CDH13: variants seen among roughly 807,000 people sequenced by gnomAD.
CDH13 encodes cadherin-13.
Under a neutral mutation model 63.8 loss-of-function variants are expected in CDH13, and 24 were observed. The ratio of observed to expected loss-of-function variants is 0.38; its 90% confidence interval spans 0.27 to 0.53. The LOEUF (loss-of-function observed/expected upper bound fraction) is 0.53, where lower values mean the gene tolerates loss of function less well. Among genes scored for constraint, CDH13 ranks in the 20% least tolerant of loss-of-function variants. CDH13 has a pLI of 0.85. For missense variants in CDH13, 1,049 were observed against 903.1 expected (o/e 1.16, Z -2.07); for synonymous variants, 503 against 355.3 (o/e 1.42, Z -4.67).
At chr16:83,469,521 A>C (rs565196259) in intron 6 of CDH13, among the ~76,000 whole-genome samples, 10 of 152,286 alleles carry the variant, frequency 6.6e-5, no homozygotes, top group Admixed American at 3.9e-4. Flanking sequence ...GTCACCTTAC[A>C]TCCACGGTGA....
At chr16:82,736,538 C>A (rs570535667) in intron 1 of CDH13, among the ~76,000 whole-genome samples, 1 of 152,116 alleles carries the variant, frequency 6.6e-6, no homozygotes, top group South Asian at 2.1e-4. Context: ...AGCCATGGGG[C>A]AGCATCCCAT....
At chr16:82,808,224 C>T (rs74894737) in intron 1 of CDH13, among the ~76,000 whole-genome samples, 1,847 of 152,210 alleles carry the variant, frequency 0.012, 28 homozygotes, top group African/African-American at 0.042. Flanking sequence ...TTTTTTAGAA[C>T]TGCTAAATCA....
intron 13 of CDH13, among the ~76,000 whole-genome samples, chr16:83,792,152 C>G (rs1916315933): frequency 6.6e-6 from 1 of 152,164 alleles, no homozygotes; most frequent in Non-Finnish European, 1.5e-5. Context: ...GCATTAAACC[C>G]AGGTAGAGTG....
Position 83,331,022 on chromosome 16 carries a change from T to A in CDH13, c.637-13840T>A, listed in dbSNP as rs74249514. ...AGTGTTTTGCTAAATGCTTTACAAA[T>A]ATTTATTTTCTGTGAGATGGTTCCT... is the stretch of plus-strand genomic sequence containing the variant. On this transcript the variant is annotated intron_variant, in intron 5 of 13. Coordinates refer to ENST00000567109, the MANE Select transcript of CDH13 (RefSeq NM_001257.5). Among the ~76,000 whole-genome samples the A allele has an allele frequency of 1.0e-3, 153 of 152,350 alleles. 2 individuals carry two copies. The East Asian group carries it at 0.027, about 27-fold the overall frequency.
At chr16:82,763,910 C>T (rs940212789) in intron 1 of CDH13, among the ~76,000 whole-genome samples, 1 of 152,148 alleles carries the variant, frequency 6.6e-6, no homozygotes, top group Admixed American at 6.5e-5. Flanking sequence ...TGGGCTCAAG[C>T]AATCCATCTT....
intron 7 of CDH13, among the ~76,000 whole-genome samples, chr16:83,572,080 G>A (rs562733028): frequency 1.3e-5 from 2 of 152,244 alleles, no homozygotes; most frequent in South Asian, 4.1e-4. Context: ...CACAAAGGCT[G>A]ACATGTGTTA....
chr16:82,930,390 G>C (rs755173913), intron 2 of CDH13, among the ~76,000 whole-genome samples: 9 of 152,068 alleles, frequency 5.9e-5, no homozygotes, highest in African/African-American at 2.2e-4. Flanking sequence ...AGATGCACCA[G>C]GTACTTTTCT....
chr16:82,728,332 A>G (rs2033211387), intron 1 of CDH13, among the ~76,000 whole-genome samples: 2 of 152,194 alleles, frequency 1.3e-5, no homozygotes, highest in African/African-American at 4.8e-5. Flanking sequence ...GGCTTGTTCT[A>G]TCCATCCACT....
At chr16:83,647,691 C>T (rs971524801) in intron 8 of CDH13, among the ~76,000 whole-genome samples, 6 of 152,180 alleles carry the variant, frequency 3.9e-5, no homozygotes, top group Non-Finnish European at 7.3e-5. Context: ...TATGATTCCC[C>T]TCAAATGGCC....
chr16:82,685,148 G>C (rs1385832730), intron 1 of CDH13, among the ~76,000 whole-genome samples: 1 of 152,172 alleles, frequency 6.6e-6, no homozygotes, highest in Non-Finnish European at 1.5e-5. Flanking sequence ...TTTGTTGAGA[G>C]ATGATCTTAA....
At chr16:82,658,959 A>C (rs1244463197) in intron 1 of CDH13, among the ~76,000 whole-genome samples, 1 of 152,194 alleles carries the variant, frequency 6.6e-6, no homozygotes, top group Non-Finnish European at 1.5e-5. Flanking sequence ...TTGTGAGCAT[A>C]GTTCCTAAAG....
intron 7 of CDH13, among the ~76,000 whole-genome samples, chr16:83,570,755 A>G (rs1904509518): frequency 7.0e-6 from 1 of 143,462 alleles, no homozygotes; most frequent in African/African-American, 2.5e-5. Context: ...TATAAAAATT[A>G]TATATTTATA....
intron 8 of CDH13, among the ~76,000 whole-genome samples, chr16:83,609,115 T>G (rs758120094): frequency 1.3e-5 from 2 of 152,220 alleles, no homozygotes; most frequent in Non-Finnish European, 2.9e-5. Context: ...AGGACGTTTC[T>G]GTCATATATA....
intron 3 of CDH13, among the ~76,000 whole-genome samples, chr16:83,105,221 T>C (rs1379693967): frequency 6.6e-6 from 1 of 152,210 alleles, no homozygotes; most frequent in East Asian, 1.9e-4. Flanking sequence ...CGTAAGATTC[T>C]ACCTGAGGAG....
At chr16:83,151,175 C>G (rs868209312) in intron 4 of CDH13, among the ~76,000 whole-genome samples, 3 of 152,286 alleles carry the variant, frequency 2.0e-5, no homozygotes, top group African/African-American at 7.2e-5. Flanking sequence ...CACGGAATAT[C>G]CCTGTAGGAA....
chr16:82,883,855 A>G (rs1044098250), intron 2 of CDH13, among the ~76,000 whole-genome samples: 1 of 152,158 alleles, frequency 6.6e-6, no homozygotes, highest in Non-Finnish European at 1.5e-5. Context: ...AATGAACATA[A>G]CAGAATGCTG....
intron 1 of CDH13, among the ~76,000 whole-genome samples, chr16:82,757,527 C>T (rs552291602): frequency 6.6e-6 from 1 of 152,314 alleles, no homozygotes; most frequent in South Asian, 2.1e-4. Context: ...CAGAGGGCTT[C>T]CGGAACACCT....
intron 10 of CDH13, among the ~76,000 whole-genome samples, chr16:83,720,892 A>T (rs1198537744): frequency 6.6e-6 from 1 of 152,214 alleles, no homozygotes; most frequent in Non-Finnish European, 1.5e-5. Context: ...GGAGTGGGTT[A>T]TAACTGTGCC....
intron 1 of CDH13, among the ~76,000 whole-genome samples, chr16:82,673,257 G>C (rs944358007): frequency 2.6e-5 from 4 of 152,032 alleles, no homozygotes; most frequent in African/African-American, 9.7e-5. Flanking sequence ...TCTCTTCTCA[G>C]CCGTGTGTCT....
Sources: gnomAD v4.1 joint callset for allele counts (sites outside exome capture counted in the v4.1 genomes callset) on GRCh38, gnomAD v4.1.1 for gene constraint, MANE v1.5 for transcripts, NCBI Gene and HGNC (gene_info 2026-07-23, HGNC 2026-07-21) for gene names.